Variants in ALDH9A1 observed in about 807,000 individuals in gnomAD.
ALDH9A1 encodes aldehyde dehydrogenase 9 family member A1.
ALDH9A1 carries 42 observed loss-of-function variants against 56.6 expected under a neutral mutation model. That is an observed-to-expected ratio of 0.74 (90% CI 0.58 to 0.96). The LOEUF (loss-of-function observed/expected upper bound fraction) is 0.96. ALDH9A1 is among the 40% of genes least tolerant of loss of function. The probability of loss-of-function intolerance (pLI) is 0.00; values close to 1 mark genes in which losing one functional copy is unlikely to be tolerated. For missense variants in ALDH9A1, 661 were observed against 651.5 expected (o/e 1.01, Z -0.16); for synonymous variants, 242 against 236.0 (o/e 1.03, Z -0.23).
At chr1:165,687,583 G>A (rs1340245883) in intron 2 of ALDH9A1, among the ~76,000 whole-genome samples, 15 of 132,430 alleles carry the variant, frequency 1.1e-4, no homozygotes, top group East Asian at 2.8e-4. Context: ...CATCTTTAAA[G>A]TACTGAAAGA....
chr1:165,681,982 T>C, intron 4 of ALDH9A1, 125 bp downstream of exon 4: 1 of 1,317,632 alleles, frequency 7.6e-7, no homozygotes, highest in South Asian at 1.4e-5. Context: ...GCTTTGAATA[T>C]CCCAGAGCAG....
At chr1:165,668,040 G>C (rs73028762) in intron 8 of ALDH9A1, among the ~76,000 whole-genome samples, 2 of 152,308 alleles carry the variant, frequency 1.3e-5, no homozygotes, top group African/African-American at 4.8e-5. Context: ...GAGGGAAGTA[G>C]ATGGGTGGGA....
chr1:165,675,064 G>A (rs1320704350), intron 6 of ALDH9A1, among the ~76,000 whole-genome samples: 3 of 152,038 alleles, frequency 2.0e-5, no homozygotes, highest in African/African-American at 2.4e-5. Flanking sequence ...GTGTGGTAGC[G>A]CATGCCTCTA....
Position 165,669,421 on chromosome 1 carries a change from C to T in ALDH9A1, c.960G>A (p.Val320=). The T allele has an allele frequency of 6.2e-7, 1 of 1,613,512 alleles. No individual in the cohort carries two copies. The highest frequency in any genetic ancestry group is 8.5e-7 in the Non-Finnish European group (1 of 1,179,734). ...TAAATTTATCAAGAATTTCTTTCTGCACAAATACTCTTGTGCCATTACAGC... is the reference window on the plus strand; with the variant it reads ...TAAATTTATCAAGAATTTCTTTCTGTACAAATACTCTTGTGCCATTACAGC... ...QVCCNGTRVF[V]QKEILDKFTE... is the part of the protein sequence containing the mutation. The change falls in exon 7 of 11, where the codon GTG becomes GTA. Residue 320 remains valine (V), a synonymous_variant. Coordinates refer to ENST00000354775, the MANE Select transcript of ALDH9A1 (RefSeq NM_000696.4).
chr1:165,682,692 C>T (rs1165357754), intron 3 of ALDH9A1: 4 of 355,150 alleles, frequency 1.1e-5, no homozygotes, highest in Admixed American at 8.4e-5. Flanking sequence ...TATGACAAAC[C>T]GATTCTTATG....
chr1:165,683,416 C>T (rs1473095661), intron 2 of ALDH9A1, among the ~76,000 whole-genome samples: 1 of 152,192 alleles, frequency 6.6e-6, no homozygotes, highest in East Asian at 1.9e-4. Context: ...CTGAAAGTCA[C>T]AGGGCAGGCC....
chr1:165,688,612 G>A (rs1448673762), intron 2 of ALDH9A1, among the ~76,000 whole-genome samples: 1 of 152,134 alleles, frequency 6.6e-6, no homozygotes, highest in Non-Finnish European at 1.5e-5. Context: ...GGAAGCTGAG[G>A]CAAGAGGATC....
At chr1:165,679,402 A>G (rs1319556343) in intron 6 of ALDH9A1, 40 bp downstream of exon 6, 7 of 1,601,918 alleles carry the variant, frequency 4.4e-6, no homozygotes, top group African/African-American at 1.3e-5. Flanking sequence ...ATGAGGGGGT[A>G]GAGATTCCTT....
intron 6 of ALDH9A1, among the ~76,000 whole-genome samples, chr1:165,673,390 A>G (rs1649246392): frequency 6.6e-6 from 1 of 152,206 alleles, no homozygotes; most frequent in Admixed American, 6.5e-5. Context: ...CCTATGGAGT[A>G]GCCATTCTTT....
At chr1:165,680,411 A>T in intron 5 of ALDH9A1, 76 bp downstream of exon 5, 1 of 1,495,956 alleles carries the variant, frequency 6.7e-7, no homozygotes, top group Admixed American at 2.2e-5. Context: ...GAAGCCTCCA[A>T]AATATACTCT....
chr1:165,692,542 C>T (rs1296243234), intron 2 of ALDH9A1, among the ~76,000 whole-genome samples: 2 of 152,134 alleles, frequency 1.3e-5, no homozygotes, highest in East Asian at 3.8e-4. Context: ...GAACTACAAA[C>T]CACTGCTCAA....
At chr1:165,677,543 T>C (rs893667260) in intron 6 of ALDH9A1, among the ~76,000 whole-genome samples, 1 of 151,744 alleles carries the variant, frequency 6.6e-6, no homozygotes, top group Non-Finnish European at 1.5e-5. Context: ...CCACCAGCCA[T>C]CTGCAATTAT....
At chr1:165,668,883 A>G in intron 8 of ALDH9A1, 43 bp downstream of exon 8, 3 of 1,376,134 alleles carry the variant, frequency 2.2e-6, no homozygotes, top group Non-Finnish European at 3.1e-6. Context: ...TCTATTCAGT[A>G]TTTAATTCAA....
chr1:165,678,282 C>T (rs191937410), intron 6 of ALDH9A1, among the ~76,000 whole-genome samples: 9 of 149,008 alleles, frequency 6.0e-5, no homozygotes, highest in Admixed American at 6.7e-5. Context: ...TGCAGTGAGC[C>T]GAGATCGTGC....
intron 2 of ALDH9A1, among the ~76,000 whole-genome samples, chr1:165,691,708 G>A (rs374743353): frequency 2.6e-5 from 4 of 152,186 alleles, no homozygotes; most frequent in African/African-American, 9.7e-5. Flanking sequence ...TAGAAAAAGA[G>A]GGAACCTCCC....
chr1:165,694,989 G>A (rs913391120), intron 2 of ALDH9A1, among the ~76,000 whole-genome samples: 1 of 151,450 alleles, frequency 6.6e-6, no homozygotes, highest in African/African-American at 2.4e-5. Flanking sequence ...AAAAAAGGAC[G>A]ATGAGCTATA....
chr1:165,681,428 G>C (rs140616475), intron 4 of ALDH9A1, among the ~76,000 whole-genome samples: 28 of 152,306 alleles, frequency 1.8e-4, no homozygotes, highest in African/African-American at 6.5e-4. Context: ...GACTATTAAA[G>C]CTAGTGACTA....
intron 2 of ALDH9A1, among the ~76,000 whole-genome samples, chr1:165,691,536 T>G (rs984521067): frequency 3.9e-5 from 6 of 152,142 alleles, no homozygotes; most frequent in Non-Finnish European, 7.3e-5. Flanking sequence ...GGAGAATGAC[T>G]TAGACAAGTG....
chr1:165,686,927 T>C (rs1430197730), intron 2 of ALDH9A1, among the ~76,000 whole-genome samples: 2 of 151,802 alleles, frequency 1.3e-5, no homozygotes. Flanking sequence ...GACAAGAACA[T>C]TAAGTTATGA....
Sources: allele counts gnomAD v4.1 joint callset (sites outside exome capture counted in the v4.1 genomes callset), GRCh38; gene constraint gnomAD v4.1.1; transcripts MANE v1.5; gene names NCBI Gene and HGNC (gene_info 2026-07-23, HGNC 2026-07-21).